CHMP2B: variants seen among roughly 807,000 people sequenced by gnomAD.
CHMP2B encodes the protein charged multivesicular body protein 2B.
A neutral mutation model predicts 29.8 loss-of-function variants in CHMP2B; 22 were observed. That is an observed-to-expected ratio of 0.74 (90% confidence interval 0.53 to 1.05). The LOEUF (loss-of-function observed/expected upper bound fraction) is 1.05, where lower values mean the gene tolerates loss of function less well. CHMP2B is among the 50% of genes least tolerant of loss of function. The pLI, the probability that CHMP2B is intolerant of heterozygous loss-of-function variation, is 0.00. For missense variants in CHMP2B, 261 were observed against 252.2 expected, an observed-to-expected ratio of 1.03 and a Z score of -0.24; for synonymous variants, 78 against 75.8, an observed-to-expected ratio of 1.03 and a Z score of -0.15.
At chr3:87,236,092 CA>C (rs1025710110) in intron 1 of CHMP2B, among the ~76,000 whole-genome samples, 43 of 152,256 alleles carry the variant, frequency 2.8e-4, no homozygotes, top group African/African-American at 1.0e-3. Flanking sequence ...TCAGTGTGTT[CA>C]CCAATTGAGA....
intron 1 of CHMP2B, among the ~76,000 whole-genome samples, chr3:87,228,532 T>A (rs1012848386): frequency 6.6e-6 from 1 of 152,212 alleles, no homozygotes; most frequent in Non-Finnish European, 1.5e-5. Context: ...GGGTGCTCAG[T>A]CCAGACCTGG....
At chr3:87,232,059 C>T (rs1264504515) in intron 1 of CHMP2B, among the ~76,000 whole-genome samples, 1 of 152,090 alleles carries the variant, frequency 6.6e-6, no homozygotes, top group African/African-American at 2.4e-5. Context: ...ATTTACTAAC[C>T]AAAGTAGTAT....
intron 4 of CHMP2B, among the ~76,000 whole-genome samples, chr3:87,252,113 T>C (rs3804602): frequency 0.23 from 35,659 of 151,804 alleles, 5,227 homozygotes; most frequent in South Asian, 0.36. Context: ...CCTAGATGAC[T>C]GACTACCTTA....
In CHMP2B at chr3:87,254,050, T is replaced by C. The variant is rs1706360683; in HGVS notation, c.*228T>C. On this transcript the variant is annotated 3_prime_UTR_variant, in exon 6 of 6. Coordinates refer to ENST00000263780, the MANE Select transcript of CHMP2B (RefSeq NM_014043.4). ...TTTAATTAGAACTGTTTAGGAGTGA[T>C]GATGTGTAAAAAGTTGACTTCTCTT... The C allele has an allele frequency of 2.3e-6, 1 of 432,532 alleles. No homozygotes were observed. The highest frequency in any genetic ancestry group is 4.5e-5 in the East Asian group (1 of 22,116). The allele number at this position is 432,532 out of a possible 1,614,324, so 26.8% of individuals were successfully genotyped here.
chr3:87,233,585 C>G (rs1314081283), intron 1 of CHMP2B, among the ~76,000 whole-genome samples: 1 of 152,128 alleles, frequency 6.6e-6, no homozygotes, highest in Non-Finnish European at 1.5e-5. Context: ...TTTCTTATAT[C>G]CATAGCACAA....
In CHMP2B at chr3:87,254,104, T is replaced by C. The variant is rs985821803; in HGVS notation, c.*282T>C. The C allele has an allele frequency of 3.2e-6, 1 of 307,786 alleles. No homozygotes were observed. The highest frequency in any genetic ancestry group is 2.2e-5 in the African/African-American group (1 of 45,794). The allele number at this position is 307,786 out of a possible 1,614,324, so 19.1% of individuals were successfully genotyped here. A position where few individuals can be genotyped will look rare whatever the true frequency, so the allele number is the denominator to read the frequency against. ...CATGGCACAGAGAAATTATATTCCTTACTTCATGTCAGTTTATGTTCTAAA... is the reference window on the plus strand; with the variant it reads ...CATGGCACAGAGAAATTATATTCCTCACTTCATGTCAGTTTATGTTCTAAA... On this transcript the variant is annotated 3_prime_UTR_variant, in exon 6 of 6. Coordinates refer to ENST00000263780, the MANE Select transcript of CHMP2B (RefSeq NM_014043.4).
At position 87,245,710 on chromosome 3, in the gene CHMP2B, T is replaced by C; in HGVS notation, c.127-4T>C. The C allele has an allele frequency of 6.2e-7, 1 of 1,610,478 alleles. No homozygotes were observed. Among genetic ancestry groups the C allele is most frequent in the Non-Finnish European group, 8.5e-7 (1 of 1,177,226 alleles). Reference sequence around the variant, plus strand: ...TATTTTCTTTTGTTTGTTTCTTCTCTTAGGAATTAGAAATTAAGAAAATGG... The same window carrying C: ...TATTTTCTTTTGTTTGTTTCTTCTCCTAGGAATTAGAAATTAAGAAAATGG... On this transcript the variant is annotated splice_region_variant and splice_polypyrimidine_tract_variant and intron_variant, in intron 2 of 5. Transcript: ENST00000263780.
intron 1 of CHMP2B, among the ~76,000 whole-genome samples, chr3:87,233,366 G>A (rs1210742549): frequency 6.6e-6 from 1 of 151,994 alleles, no homozygotes; most frequent in Admixed American, 6.6e-5. Context: ...AGTAAATCTT[G>A]TTCCTAGAAC....
At chr3:87,251,956 G>A (rs553996770) in intron 4 of CHMP2B, among the ~76,000 whole-genome samples, 53 of 151,494 alleles carry the variant, frequency 3.5e-4, no homozygotes, top group African/African-American at 1.1e-3. Flanking sequence ...AACATACCGC[G>A]AAATTATTTT....
intron 3 of CHMP2B, among the ~76,000 whole-genome samples, chr3:87,248,637 G>C (rs1706259988): frequency 6.6e-6 from 1 of 151,972 alleles, no homozygotes; most frequent in East Asian, 2.0e-4. Context: ...AAAGATGTGT[G>C]TCTAGAGGGC....
chr3:87,229,309 C>T (rs1372049287), intron 1 of CHMP2B, among the ~76,000 whole-genome samples: 1 of 152,042 alleles, frequency 6.6e-6, no homozygotes, highest in Non-Finnish European at 1.5e-5. Context: ...AATGTTTTTG[C>T]TGAATAGACT....
chr3:87,239,912 G>A (rs1706084891), intron 1 of CHMP2B, among the ~76,000 whole-genome samples: 1 of 152,258 alleles, frequency 6.6e-6, no homozygotes, highest in East Asian at 1.9e-4. Context: ...GCTGAGGTGA[G>A]ATTCAAATCC....
rs756186139 is a variant in CHMP2B at position 87,249,997 on chromosome 3, A to C, written c.424+20A>C. The C allele has an allele frequency of 5.9e-6, 8 of 1,363,944 alleles. No homozygotes were observed. In the Admixed American group the frequency reaches 1.4e-4, roughly 23 times the overall value. 84.5% of individuals were successfully genotyped at this position (1,363,944 alleles called of 1,614,324 possible). A position where few individuals can be genotyped will look rare whatever the true frequency, so the allele number is the denominator to read the frequency against. ...AAATGAGTAAGTTTAATAAATTATA[A>C]TGAAATTTATAGTTTTCTCATCTTT... On this transcript the variant is annotated intron_variant, in intron 4 of 5. Coordinates refer to ENST00000263780, the MANE Select transcript of CHMP2B (RefSeq NM_014043.4).
chr3:87,247,779 T>A (rs1172028257), intron 3 of CHMP2B, among the ~76,000 whole-genome samples: 5 of 152,206 alleles, frequency 3.3e-5, no homozygotes, highest in Admixed American at 3.3e-4. Flanking sequence ...TTAGAAGGAA[T>A]AAATTCAATC....
chr3:87,245,399 C>T, intron 2 of CHMP2B, among the ~76,000 whole-genome samples: 1 of 150,480 alleles, frequency 6.6e-6, no homozygotes, highest in African/African-American at 2.4e-5. Context: ...TATGTTTTTT[C>T]CTTTTCTCTT....
rs1706358970 is a variant in CHMP2B at position 87,253,937 on chromosome 3, A to G, written c.*115A>G. ...TGCAAAAAAAAAAAAAATGAAGACC[A>G]TGAGTGAACAGTTGTTTCCTAACCC... is the stretch of plus-strand genomic sequence containing the variant. On this transcript the variant is annotated 3_prime_UTR_variant, in exon 6 of 6. Coordinates refer to ENST00000263780, the MANE Select transcript of CHMP2B (RefSeq NM_014043.4). 2 of 705,126 alleles carry G rather than the reference A, an allele frequency of 2.8e-6. No individual in the cohort carries two copies. The highest frequency in any genetic ancestry group is 1.6e-5 in the South Asian group (1 of 61,042). The allele number at this position is 705,126 out of a possible 1,614,324, so 43.7% of individuals were successfully genotyped here.
chr3:87,249,948 A>G lies in CHMP2B; in HGVS notation c.395A>G (p.Asn132Ser), dbSNP rs372014089. The G allele has an allele frequency of 5.6e-6, 9 of 1,599,206 alleles. No individual in the cohort carries two copies. Among genetic ancestry groups the G allele is most frequent in the African/African-American group, 1.3e-5 (1 of 74,548 alleles). Reference sequence around the variant, plus strand: ...ACAATGCAGAATTTCCAGAAGGAAAACATGAAAATGGAAATGACTGAAGAA... The same window carrying G: ...ACAATGCAGAATTTCCAGAAGGAAAGCATGAAAATGGAAATGACTGAAGAA... Reference protein sequence around the residue: ...LQTMQNFQKENMKMEMTEEMI... With the variant: ...LQTMQNFQKESMKMEMTEEMI... The change falls in exon 4 of 6, where the codon AAC becomes AGC. Residue 132 changes from asparagine to serine, a missense_variant. Coordinates refer to ENST00000263780, the MANE Select transcript of CHMP2B (RefSeq NM_014043.4).
chr3:87,237,949 A>G (rs1330381038), intron 1 of CHMP2B, among the ~76,000 whole-genome samples: 1 of 152,202 alleles, frequency 6.6e-6, no homozygotes, highest in Non-Finnish European at 1.5e-5. Flanking sequence ...AACAATAGGT[A>G]GAATAAATAC....
intron 1 of CHMP2B, among the ~76,000 whole-genome samples, chr3:87,238,881 GT>G (rs1042531810): frequency 6.6e-6 from 1 of 152,136 alleles, no homozygotes; most frequent in Non-Finnish European, 1.5e-5. Flanking sequence ...GTTAAGCATA[GT>G]AACCAAACCA....
Sources: allele counts gnomAD v4.1 joint callset (sites outside exome capture counted in the v4.1 genomes callset), GRCh38; gene constraint gnomAD v4.1.1; transcripts MANE v1.5; gene names NCBI Gene and HGNC (gene_info 2026-07-23, HGNC 2026-07-21).